ANAPC1: variants seen among roughly 807,000 people sequenced by gnomAD.
The protein encoded by ANAPC1 is anaphase promoting complex subunit 1.
Under a neutral mutation model 208.0 loss-of-function variants are expected in ANAPC1, and 36 were observed. That is an observed-to-expected ratio of 0.17 (90% confidence interval 0.13 to 0.23). The LOEUF is 0.23. ANAPC1 is among the 10% of genes least tolerant of loss of function. The pLI is 1.00. For synonymous variants in ANAPC1, 378 were observed against 695.2 expected (o/e 0.54, Z 7.18); for missense variants, 942 against 2,011.6 (o/e 0.47, Z 10.17).
chr2:111,852,172 A>T (rs1185377915), intron 13 of ANAPC1, among the ~76,000 whole-genome samples: 1 of 150,570 alleles, frequency 6.6e-6, no homozygotes, highest in Non-Finnish European at 1.5e-5. Context: ...AAAAAGAAAA[A>T]AAAACTGAAT....
chr2:111,770,201 TTATATATATATA>T (rs3055943), intron 47 of ANAPC1, among the ~76,000 whole-genome samples: 13 of 81,550 alleles, frequency 1.6e-4, no homozygotes, highest in African/African-American at 6.4e-4. Context: ...TTGTTTAATT[TTATATATATATA>T]TATATATATA....
rs529406330 is a variant in ANAPC1, at chr2:111,861,448, C to T, written c.1262+941G>A. Among the ~76,000 whole-genome samples, 6 of 152,168 alleles carry T rather than the reference C, an allele frequency of 3.9e-5. No homozygotes were observed. The South Asian group carries it at 1.2e-3, about 32-fold the overall frequency. ...GGAAGTACTTGTAATTCCCTAAATA[C>T]ACCACGCACTCACCAGAACTTTTGT... On this transcript the variant is annotated intron_variant, in intron 10 of 47. Coordinates refer to ENST00000341068, the MANE Select transcript of ANAPC1 (RefSeq NM_022662.4).
chr2:111,844,484 G>A (rs921333249), intron 16 of ANAPC1, among the ~76,000 whole-genome samples: 1 of 151,136 alleles, frequency 6.6e-6, no homozygotes, highest in Non-Finnish European at 1.5e-5. Context: ...CAGGAGAATC[G>A]CCTGAACCCG....
At chr2:111,841,481 G>A (rs1364492066) in intron 17 of ANAPC1, among the ~76,000 whole-genome samples, 5 of 145,432 alleles carry the variant, frequency 3.4e-5, no homozygotes, top group Admixed American at 1.4e-4. Context: ...ACGTCTTGTC[G>A]GAGGGAAAGC....
chr2:111,826,668 T>TA (rs199635680), intron 21 of ANAPC1, among the ~76,000 whole-genome samples: 3,146 of 120,750 alleles, frequency 0.026, 41 homozygotes, highest in Middle Eastern at 0.043. Flanking sequence ...TTTATTTATT[T>TA]TTTTTTTTTT....
intron 44 of ANAPC1, chr2:111,779,145 G>A (rs1558658942): frequency 1.1e-5 from 2 of 189,964 alleles, no homozygotes; most frequent in Non-Finnish European, 1.1e-5. Flanking sequence ...TAGGGGAGGC[G>A]GCAGAGTCAA....
In ANAPC1 at chr2:111,863,959, T is replaced by G; in HGVS notation, c.832-64A>C. 1.7e-5 allele frequency: 25 copies of G among 1,489,898 alleles called. 1 individual carries two copies. In the South Asian group the frequency reaches 3.4e-4, roughly 20 times the overall value. The allele number at this position is 1,489,898 out of a possible 1,614,324, so 92.3% of individuals were successfully genotyped here. A position where few individuals can be genotyped will look rare whatever the true frequency, so the allele number is the denominator to read the frequency against. ...ACAATAATTAGAATAAAGTAGCAATTTCCTTGTAAGAATGCAAGTTGAAGT... is the reference window on the plus strand; with the variant it reads ...ACAATAATTAGAATAAAGTAGCAATGTCCTTGTAAGAATGCAAGTTGAAGT... On this transcript the variant is annotated intron_variant, in intron 8 of 47. Coordinates refer to ENST00000341068, the MANE Select transcript of ANAPC1 (RefSeq NM_022662.4).
At chr2:111,811,029 A>T (rs1678965768) in intron 28 of ANAPC1, among the ~76,000 whole-genome samples, 1 of 152,096 alleles carries the variant, frequency 6.6e-6, no homozygotes, top group Non-Finnish European at 1.5e-5. Context: ...CCTTGTTCTA[A>T]ACCAGTTTCC....
At chr2:111,868,247 T>C in intron 6 of ANAPC1, 151 bp from the exon 7 acceptor site, 1 of 524,814 alleles carries the variant, frequency 1.9e-6, no homozygotes, top group Non-Finnish European at 3.4e-6. Flanking sequence ...TACATACTAT[T>C]TTTCACATTG....
chr2:111,775,383 A>G (rs954063872), intron 46 of ANAPC1, among the ~76,000 whole-genome samples: 6 of 152,240 alleles, frequency 3.9e-5, no homozygotes, highest in Non-Finnish European at 7.3e-5. Flanking sequence ...TGATCCTGAA[A>G]GTCCACATAT....
chr2:111,870,221 TG>T (rs1174163041), intron 6 of ANAPC1, among the ~76,000 whole-genome samples: 1 of 152,260 alleles, frequency 6.6e-6, no homozygotes, highest in Non-Finnish European at 1.5e-5. Flanking sequence ...TTATTTCCTT[TG>T]GGTAGATACC....
rs1267926100 is a variant in ANAPC1, at chr2:111,815,257, A to T, written c.3597+113T>A. On this transcript the variant is annotated intron_variant, in intron 28 of 47. Coordinates refer to ENST00000341068, the MANE Select transcript of ANAPC1 (RefSeq NM_022662.4). ...GAAAGATTATTCCATGTACTATGAG[A>T]CAAATGGACTTAGAAGTACAAGAAT... 81 of 140,354 alleles carry T rather than the reference A, an allele frequency of 5.8e-4. 1 individual carries two copies. In the South Asian group the frequency reaches 8.1e-3, roughly 14 times the overall value. The allele number at this position is 140,354 out of a possible 1,614,324, so 8.7% of individuals were successfully genotyped here.
At chr2:111,872,911 G>A (rs1203994649) in intron 5 of ANAPC1, 199 bp from the exon 6 acceptor site, 8 of 563,610 alleles carry the variant, frequency 1.4e-5, no homozygotes, top group African/African-American at 3.8e-5. Context: ...TAATAAAGAG[G>A]AGTTGTTCAA....
At chr2:111,775,044 G>C (rs1253122595) in intron 46 of ANAPC1, among the ~76,000 whole-genome samples, 2 of 152,198 alleles carry the variant, frequency 1.3e-5, no homozygotes, top group African/African-American at 4.8e-5. Flanking sequence ...AAGGCACGTA[G>C]ATCATGAGGT....
intron 1 of ANAPC1, among the ~76,000 whole-genome samples, chr2:111,881,595 G>C (rs1282137612): frequency 6.6e-6 from 1 of 152,140 alleles, no homozygotes; most frequent in Non-Finnish European, 1.5e-5. Context: ...AAAAAATGTG[G>C]ATGAACTGTT....
rs1383549557 is a variant in ANAPC1 at position 111,776,985 on chromosome 2, ACT to A, written c.5456_5457del (p.Glu1819ValfsTer16). ...SELWQIKLVL[E>X]FFSSRSHQER... The stretch of plus-strand genomic sequence containing the variant: ...TCCTGATGGCTTCGGGAGCTGAAAA[ACT>A]CTAACACCAACTTTATCTGCCAAAG... On this transcript the variant is annotated frameshift_variant, in exon 46 of 48. Coordinates refer to ENST00000341068, the MANE Select transcript of ANAPC1 (RefSeq NM_022662.4). LOFTEE classifies it high-confidence loss of function. 1 of 577,914 alleles carries A rather than the reference ACT, an allele frequency of 1.7e-6. No individual in the cohort carries two copies. The allele number at this position is 577,914 out of a possible 1,614,324, so 35.8% of individuals were successfully genotyped here.
At chr2:111,825,726 T>G in intron 22 of ANAPC1, 51 bp downstream of exon 22, 1 of 1,558,042 alleles carries the variant, frequency 6.4e-7, no homozygotes, top group Non-Finnish European at 8.8e-7. Context: ...TCAATTCTGA[T>G]ACTGACATTT....
chr2:111,854,901 T>C (rs1310888364), intron 13 of ANAPC1, among the ~76,000 whole-genome samples: 2 of 152,186 alleles, frequency 1.3e-5, no homozygotes, highest in Non-Finnish European at 2.9e-5. Flanking sequence ...AATAGCACTT[T>C]TAATTTCCTT....
At chr2:111,866,737 AT>A (rs1454855351) in intron 7 of ANAPC1, among the ~76,000 whole-genome samples, 2 of 151,186 alleles carry the variant, frequency 1.3e-5, no homozygotes, top group African/African-American at 2.4e-5. Context: ...AAAAAAAAAA[AT>A]GAAAATAAAA....
Sources: allele counts gnomAD v4.1 joint callset (sites outside exome capture counted in the v4.1 genomes callset), GRCh38; gene constraint gnomAD v4.1.1; transcripts MANE v1.5; gene names NCBI Gene and HGNC (gene_info 2026-07-23, HGNC 2026-07-21).